CHRNA10: variants seen among roughly 807,000 people sequenced by gnomAD.
The protein encoded by CHRNA10 is neuronal acetylcholine receptor subunit alpha-10.
Under a neutral mutation model 36.0 loss-of-function variants are expected in CHRNA10, and 31 were observed. The observed-to-expected ratio is 0.86, with a 90% CI of 0.65 to 1.16. The LOEUF (loss-of-function observed/expected upper bound fraction) is 1.16. Ranked by LOEUF, CHRNA10 falls within the 50% of genes most tolerant of loss-of-function variation. The probability of loss-of-function intolerance (pLI) is 0.00; values close to 1 mark genes in which losing one functional copy is unlikely to be tolerated. For synonymous variants in CHRNA10, 302 were observed against 287.0 expected (o/e 1.05, Z -0.53); for missense variants, 648 against 640.9 (o/e 1.01, Z -0.12).
chr11:3,670,966 C>G (rs2077709209), intron 1 of CHRNA10: 3 of 500,106 alleles, frequency 6.0e-6, no homozygotes, highest in African/African-American at 5.8e-5. Context: ...CCGTCATCTG[C>G]AGGAGAAAGA....
chr11:3,670,033 TTA>T (rs1207719645), intron 1 of CHRNA10, 92 bp from the exon 2 acceptor site: 1 of 1,396,362 alleles, frequency 7.2e-7, no homozygotes. Flanking sequence ...GGCCCTGTCC[TTA>T]TGAGTGTCCT....
chr11:3,666,173 G>A lies in CHRNA10; in HGVS notation c.1287C>T (p.Phe429=). 1 of 1,609,940 alleles carries A rather than the reference G, an allele frequency of 6.2e-7. No homozygotes were observed. Among genetic ancestry groups the A allele is most frequent in the South Asian group, 1.1e-5 (1 of 90,462 alleles). ...WKRLARVMDR[F]FLAIFFSMAL... ...CCATGGAGAAGAAGATGGCCAGGAA[G>A]AAGCGGTCCATCACACGGGCCAGGC... Residue 429 remains phenylalanine (F), a synonymous_variant, in exon 5 of 5, where the codon TTC becomes TTT. Coordinates refer to ENST00000250699, the MANE Select transcript of CHRNA10 (RefSeq NM_020402.4).
intron 2 of CHRNA10, 107 bp downstream of exon 2, chr11:3,669,688 CA>C: frequency 6.9e-7 from 1 of 1,441,044 alleles, no homozygotes; most frequent in Non-Finnish European, 9.8e-7. Flanking sequence ...TTAATATTAA[CA>C]TTTACAGAAA....
rs755171423 is a variant in CHRNA10 at position 3,666,581 on chromosome 11, A to T, written c.896-17T>A. On this transcript the variant is annotated splice_polypyrimidine_tract_variant and intron_variant, in intron 4 of 4. Coordinates refer to ENST00000250699, the MANE Select transcript of CHRNA10 (RefSeq NM_020402.4). ...AGTACTTCCCTGCAAGAGAGAGAGAAAGCCAATTGACTCAAAACAAAAGCC... is the reference window on the plus strand; with the variant it reads ...AGTACTTCCCTGCAAGAGAGAGAGATAGCCAATTGACTCAAAACAAAAGCC... The T allele has an allele frequency of 1.7e-5, 26 of 1,507,188 alleles. No homozygotes were observed. The South Asian group carries it at 3.5e-4, about 20-fold the overall frequency. The allele number at this position is 1,507,188 out of a possible 1,614,324, so 93.4% of individuals were successfully genotyped here.
rs114978383 is a variant in CHRNA10, at chr11:3,665,936, G to A, written c.*171C>T. The A allele has an allele frequency of 1.0e-3, 558 of 559,430 alleles. 3 individuals are homozygous for A. Among genetic ancestry groups the A allele is most frequent in the African/African-American group, 9.5e-3 (508 of 53,280 alleles). The allele number at this position is 559,430 out of a possible 1,614,324, so 34.7% of individuals were successfully genotyped here. Reference sequence around the variant, plus strand: ...CAGGCTCTGGACTTCCTTTAGTTAGGGTGTGTAGACAATGAGTGCTCCCTT... The same window carrying A: ...CAGGCTCTGGACTTCCTTTAGTTAGAGTGTGTAGACAATGAGTGCTCCCTT... On this transcript the variant is annotated 3_prime_UTR_variant, in exon 5 of 5. Coordinates refer to ENST00000250699, the MANE Select transcript of CHRNA10 (RefSeq NM_020402.4).
chr11:3,669,064 G>T, intron 3 of CHRNA10, 132 bp downstream of exon 3: 1 of 1,023,238 alleles, frequency 9.8e-7, no homozygotes, highest in Non-Finnish European at 1.4e-6. Flanking sequence ...GCTTAGAAGG[G>T]TCCTGGGGAA....
At position 3,671,370 on chromosome 11, in the gene CHRNA10, C is replaced by T. The variant is rs1423198593; in HGVS notation, c.-58G>A. 3 of 1,577,122 alleles carry T rather than the reference C, an allele frequency of 1.9e-6. No homozygotes were observed. In the South Asian group the frequency reaches 3.3e-5, roughly 18 times the overall value. On this transcript the variant is annotated 5_prime_UTR_variant, in exon 1 of 5. Coordinates refer to ENST00000250699, the MANE Select transcript of CHRNA10 (RefSeq NM_020402.4). ...CTGGATGTGAGGCCTCCTGGCCAGA[C>T]CTAGGGCAAAATTAGGCCCAGCTGG...
rs1413526028 is a variant in CHRNA10 at position 3,665,675 on chromosome 11, C to T, written c.*432G>A. ...GCTCTGGAAACTCGACTGAGAATCC[C>T]CGACCCTTTTCCCTGAGCCCCTCAG... On this transcript the variant is annotated 3_prime_UTR_variant, in exon 5 of 5. Coordinates refer to ENST00000250699, the MANE Select transcript of CHRNA10 (RefSeq NM_020402.4). 6.4e-6 allele frequency: 1 copy of T among 156,020 alleles called. No individual in the cohort carries two copies. The highest frequency in any genetic ancestry group is 2.4e-5 in the African/African-American group (1 of 41,562). 9.7% of individuals were successfully genotyped at this position (156,020 alleles called of 1,614,324 possible). A position where few individuals can be genotyped will look rare whatever the true frequency, so the allele number is the denominator to read the frequency against.
Position 3,667,725 on chromosome 11 carries a change from C to T in CHRNA10, c.402G>A (p.Val134=), listed in dbSNP as rs1324635067. The T allele has an allele frequency of 6.4e-7, 1 of 1,569,266 alleles. No homozygotes were observed. Among genetic ancestry groups the T allele is most frequent in the Non-Finnish European group, 8.6e-7 (1 of 1,165,064 alleles). The change falls in exon 4 of 5, where the codon GTG becomes GTA. Residue 134 remains valine (V), a synonymous_variant. Coordinates refer to ENST00000250699, the MANE Select transcript of CHRNA10 (RefSeq NM_020402.4). ...GCACGGCGCCATCGTGGCGCAGGAC[C>T]ACGTTGGTGCTGGCGGAACCTGGAG... ...AQPPGSASTN[V]VLRHDGAVRW...
rs758501459 is a variant in CHRNA10 at position 3,667,250 on chromosome 11, C to G, written c.877G>C (p.Glu293Gln). ...LLLAESMPPA[E>Q]SVPLIGKYYM... ...TGCTCACCGATGAGCGGCACGCTCT[C>G]GGCCGGTGGCATGCTCTCGGCCAGC... Residue 293 changes from glutamate (E) to glutamine (Q), a missense_variant, in exon 4 of 5, where the codon GAG (glutamate) becomes CAG (glutamine). Coordinates refer to ENST00000250699, the MANE Select transcript of CHRNA10 (RefSeq NM_020402.4). 1.3e-6 allele frequency: 2 copies of G among 1,589,130 alleles called. No homozygotes were observed. The highest frequency in any genetic ancestry group is 8.5e-7 in the Non-Finnish European group (1 of 1,175,364).
rs758514870 is a variant in CHRNA10 at position 3,669,246 on chromosome 11, G to T, written c.312C>A (p.Ile104=). 5.1e-5 allele frequency: 82 copies of T among 1,613,958 alleles called. No individual in the cohort carries two copies. Among genetic ancestry groups the T allele is most frequent in the Non-Finnish European group, 6.4e-5 (75 of 1,179,976 alleles). ...GCCACACAAGACTGCTGGGGATGCG[G>T]ATGGCATCCAGGCCACCATAGGCAT... ...DPNAYGGLDA[I]RIPSSLVWRP... Residue 104 remains isoleucine, a synonymous_variant, in exon 3 of 5, where the codon ATC becomes ATA. Coordinates refer to ENST00000250699, the MANE Select transcript of CHRNA10 (RefSeq NM_020402.4).
chr11:3,669,101 G>A, intron 3 of CHRNA10, 95 bp downstream of exon 3: 24 of 1,401,392 alleles, frequency 1.7e-5, no homozygotes, highest in Non-Finnish European at 2.3e-5. Context: ...GTGGCAACCA[G>A]GTTATGTGGT....
At chr11:3,671,009 G>C (rs1021514429) in intron 1 of CHRNA10, 2 of 568,458 alleles carry the variant, frequency 3.5e-6, no homozygotes, top group African/African-American at 3.8e-5. Flanking sequence ...TCAACATCTG[G>C]CCCCTCTGAT....
intron 4 of CHRNA10, 48 bp downstream of exon 4, chr11:3,667,184 G>C: frequency 6.7e-7 from 1 of 1,500,306 alleles, no homozygotes; most frequent in Non-Finnish European, 8.9e-7. Context: ...CCCCGCCCTG[G>C]GGGGACCCCA....
chr11:3,666,706 AGGTAAGGG>A, intron 4 of CHRNA10, 142 bp from the exon 5 acceptor site: 1 of 648,270 alleles, frequency 1.5e-6, no homozygotes, highest in African/African-American at 1.8e-5. Flanking sequence ...AGCAGGAAGG[AGGTAAGGG>A]CCGAGTTCTC....
intron 1 of CHRNA10, among the ~76,000 whole-genome samples, chr11:3,670,290 C>T (rs543096102): frequency 2.6e-5 from 4 of 152,326 alleles, no homozygotes; most frequent in African/African-American, 9.6e-5. Flanking sequence ...AACCCCACTG[C>T]TCTGCCCCCT....
chr11:3,670,971 G>A, intron 1 of CHRNA10: 1 of 510,136 alleles, frequency 2.0e-6, no homozygotes, highest in East Asian at 3.4e-5. Context: ...ATCTGCAGGA[G>A]AAAGACCTGG....
At chr11:3,670,057 C>G in intron 1 of CHRNA10, 116 bp from the exon 2 acceptor site, 1 of 1,136,732 alleles carries the variant, frequency 8.8e-7, no homozygotes. Context: ...CTGGTGTCTG[C>G]CTTCTCTTGC....
chr11:3,667,820 G>A lies in CHRNA10; in HGVS notation c.363-56C>T, dbSNP rs1269515194. Reference sequence around the variant, plus strand: ...GCTGTCCAGCCTGAGGAGCAGCCCCGGAGGCCGGGAGCCCAGGGCAGACCC... The same window carrying A: ...GCTGTCCAGCCTGAGGAGCAGCCCCAGAGGCCGGGAGCCCAGGGCAGACCC... On this transcript the variant is annotated intron_variant, in intron 3 of 4. Coordinates refer to ENST00000250699, the MANE Select transcript of CHRNA10 (RefSeq NM_020402.4). 7.2e-6 allele frequency: 10 copies of A among 1,390,962 alleles called. No individual in the cohort carries two copies. In the East Asian group the frequency reaches 1.4e-4, roughly 19 times the overall value. 86.2% of individuals were successfully genotyped at this position (1,390,962 alleles called of 1,614,324 possible).
Sources: allele counts gnomAD v4.1 joint callset (sites outside exome capture counted in the v4.1 genomes callset), GRCh38; gene constraint gnomAD v4.1.1; transcripts MANE v1.5; gene names NCBI Gene and HGNC (gene_info 2026-07-23, HGNC 2026-07-21).